The following SPART variants were observed in gnomAD, a reference collection of about 807,000 sequenced individuals.
SPART encodes the protein spartin, also known as spastic paraplegia 20 (Troyer syndrome).
In SPART, 35 loss-of-function variants were observed where a neutral mutation model predicts 58.7. The observed-to-expected ratio is 0.60, with a 90% CI of 0.46 to 0.79. The LOEUF is 0.79. Among genes scored for constraint, SPART ranks in the 30% least tolerant of loss-of-function variants. SPART has a pLI of 0.00. For missense variants in SPART, 730 were observed against 786.1 expected (o/e 0.93, Z 0.85); for synonymous variants, 284 against 280.7 (o/e 1.01, Z -0.12).
intron 5 of SPART, among the ~76,000 whole-genome samples, chr13:36,323,660 G>A (rs1407101196): frequency 6.6e-6 from 1 of 152,138 alleles, no homozygotes; most frequent in African/African-American, 2.4e-5. Flanking sequence ...TTTCCCTGGA[G>A]TAAATCTTTA....
intron 5 of SPART, among the ~76,000 whole-genome samples, chr13:36,315,138 G>T (rs922356977): frequency 3.3e-5 from 5 of 152,190 alleles, no homozygotes; most frequent in African/African-American, 1.2e-4. Flanking sequence ...CCTTTGCTTT[G>T]CTTTGCTTAT....
At chr13:36,308,189 C>G (rs1880712845) in intron 8 of SPART, among the ~76,000 whole-genome samples, 1 of 152,128 alleles carries the variant, frequency 6.6e-6, no homozygotes, top group Non-Finnish European at 1.5e-5. Flanking sequence ...AGTTCTATCA[C>G]TAAGTTATTA....
intron 1 of SPART, among the ~76,000 whole-genome samples, chr13:36,338,275 C>A (rs746427512): frequency 6.6e-6 from 1 of 152,042 alleles, no homozygotes; most frequent in Non-Finnish European, 1.5e-5. Flanking sequence ...AATAATAAAG[C>A]CATAACTCAC....
At chr13:36,346,985 G>GGT (rs1481973421), upstream of SPART, among the ~76,000 whole-genome samples, 2 of 152,138 alleles carry the variant, frequency 1.3e-5, no homozygotes, top group Non-Finnish European at 1.5e-5. Flanking sequence ...TTTAAGTCTT[G>GGT]GTGTGTGTGT....
Position 36,314,296 on chromosome 13 carries a change from C to A in SPART, c.1414G>T (p.Ala472Ser), listed in dbSNP as rs142482393. The A allele has an allele frequency of 1.5e-4, 248 of 1,614,018 alleles. No individual in the cohort carries two copies. The highest frequency in any genetic ancestry group is 3.3e-4 in the Middle Eastern group (2 of 6,084). ...PEEKPVEVSP[A>S]VTKGLYIAKQ... ...GCTATATAAAGTCCCTTGGTGACAG[C>A]TGGACTAACTTCCACGGGTTTTTCT... Residue 472 changes from alanine (A) to serine (S), a missense_variant, in exon 6 of 9, where the codon GCT becomes TCT. Coordinates refer to ENST00000438666, the MANE Select transcript of SPART (RefSeq NM_015087.5).
At position 36,314,312 on chromosome 13, in the gene SPART, G is replaced by A. The variant is rs374537898; in HGVS notation, c.1398C>T (p.Pro466=). The part of the protein sequence containing the change: ...LRERIQPEEK[P]VEVSPAVTKG... ...TGGTGACAGCTGGACTAACTTCCAC[G>A]GGTTTTTCTTCTGGTTGAATCCGCT... Residue 466 remains proline, a synonymous_variant, in exon 6 of 9, where the codon CCC becomes CCT. Transcript: ENST00000438666. 22 of 1,613,920 alleles carry A rather than the reference G, an allele frequency of 1.4e-5. No individual in the cohort carries two copies. The highest frequency in any genetic ancestry group is 2.2e-5 in the South Asian group (2 of 91,078).
chr13:36,336,447 C>A (rs1884014500), intron 1 of SPART: 1 of 152,388 alleles, frequency 6.6e-6, no homozygotes. Flanking sequence ...CTTTAAAAAG[C>A]ATCTGAAAAG....
intron 6 of SPART, chr13:36,314,005 GGT>G (rs1252386838): frequency 1.6e-5 from 9 of 566,268 alleles, no homozygotes; most frequent in East Asian, 1.2e-4. Flanking sequence ...TGAATCAGTA[GGT>G]GTGTCTGTCC....
intron 1 of SPART, among the ~76,000 whole-genome samples, chr13:36,337,628 A>G (rs2137575172): frequency 6.6e-6 from 1 of 152,314 alleles, no homozygotes; most frequent in Non-Finnish European, 1.5e-5. Flanking sequence ...CGCAGAACTG[A>G]GTCAATTAAA....
At chr13:36,349,760 G>A (rs952936972), upstream of SPART, among the ~76,000 whole-genome samples, 1 of 152,148 alleles carries the variant, frequency 6.6e-6, no homozygotes, top group African/African-American at 2.4e-5. Context: ...TTATCTCTGT[G>A]GAATATGTTG....
chr13:36,321,564 C>T (rs1337537836), intron 5 of SPART, among the ~76,000 whole-genome samples: 1 of 152,010 alleles, frequency 6.6e-6, no homozygotes. Flanking sequence ...ACCACAAGAC[C>T]TCCCTTCAGC....
intron 5 of SPART, among the ~76,000 whole-genome samples, chr13:36,318,338 A>T (rs1461336029): frequency 6.6e-6 from 1 of 152,130 alleles, no homozygotes; most frequent in Non-Finnish European, 1.5e-5. Flanking sequence ...ATCCCAAATC[A>T]GATAGCGTTT....
chr13:36,333,022 C>CTT (rs1883608783), intron 2 of SPART, among the ~76,000 whole-genome samples: 1 of 148,066 alleles, frequency 6.8e-6, no homozygotes, highest in African/African-American at 2.5e-5. Flanking sequence ...TTTTTTTTTT[C>CTT]TTTTTTTTAA....
intron 5 of SPART, among the ~76,000 whole-genome samples, chr13:36,319,442 C>T (rs1026338582): frequency 2.0e-5 from 3 of 151,378 alleles, no homozygotes; most frequent in East Asian, 2.0e-4. Flanking sequence ...TATCCCATCC[C>T]GCAGCATGCT....
rs960016367 is a variant in SPART at position 36,304,401 on chromosome 13, C to T, written c.1965G>A (p.Thr655=). ...VNVRGEKDEQ[T]KEVKEAKKKD... ...TCTTCTTTGCCTCCTTTACTTCCTT[C>T]GTCTGCTCATCCTTCTCCCCTCTCA... Residue 655 remains threonine (T), a synonymous_variant, in exon 9 of 9, where the codon ACG becomes ACA. Coordinates refer to ENST00000438666, the MANE Select transcript of SPART (RefSeq NM_015087.5). The T allele has an allele frequency of 1.2e-6, 2 of 1,613,970 alleles. No individual in the cohort carries two copies. Among genetic ancestry groups the T allele is most frequent in the African/African-American group, 1.3e-5 (1 of 74,908 alleles).
At chr13:36,305,204 C>T (rs1880396060) in intron 8 of SPART, among the ~76,000 whole-genome samples, 1 of 152,142 alleles carries the variant, frequency 6.6e-6, no homozygotes, top group African/African-American at 2.4e-5. Context: ...TTTGTACTGG[C>T]TGCTCTCTGC....
rs375629579 is a variant in SPART at position 36,326,642 on chromosome 13, T to C, written c.1221A>G (p.Pro407=). ...ATTCTTTTGGCTTTTCTTCTGGAAC[T>C]GGCTCACATGGTACAATGTGACTCA... ...VNLSHIVPCE[P]VPEEKPKELP... is the part of the protein sequence containing the mutation. Residue 407 remains proline (P), a synonymous_variant, in exon 5 of 9, where the codon CCA becomes CCG. Transcript: ENST00000438666. The C allele has an allele frequency of 3.1e-6, 5 of 1,613,374 alleles. No individual in the cohort carries two copies. Among genetic ancestry groups the C allele is most frequent in the Non-Finnish European group, 3.4e-6 (4 of 1,179,860 alleles).
intron 5 of SPART, among the ~76,000 whole-genome samples, chr13:36,318,891 G>C (rs1336026216): frequency 5.3e-5 from 8 of 152,152 alleles, no homozygotes; most frequent in African/African-American, 1.7e-4. Context: ...CTCCTTCCCA[G>C]ATCTTCTCGG....
At chr13:36,342,336 G>T (rs1488933364) in intron 1 of SPART, among the ~76,000 whole-genome samples, 3 of 152,094 alleles carry the variant, frequency 2.0e-5, no homozygotes, top group African/African-American at 7.2e-5. Flanking sequence ...CTGGAATTAA[G>T]AATTACTTTT....
Sources: gnomAD v4.1 joint callset for allele counts (sites outside exome capture counted in the v4.1 genomes callset) on GRCh38, gnomAD v4.1.1 for gene constraint, MANE v1.5 for transcripts, NCBI Gene and HGNC (gene_info 2026-07-23, HGNC 2026-07-21) for gene names.